The following HIF3A variants were observed in gnomAD, a reference collection of about 807,000 sequenced individuals.
HIF3A encodes the protein hypoxia-inducible factor 3-alpha.
Under a neutral mutation model 67.2 loss-of-function variants are expected in HIF3A, and 41 were observed. The ratio of observed to expected loss-of-function variants is 0.61; its 90% CI spans 0.48 to 0.79. The LOEUF (loss-of-function observed/expected upper bound fraction) is 0.79, where lower values mean the gene tolerates loss of function less well. HIF3A is among the 30% of genes least tolerant of loss of function. The pLI is 0.00. For missense variants in HIF3A, 855 were observed against 898.0 expected, an observed-to-expected ratio of 0.95 and a Z score of 0.61; for synonymous variants, 356 against 374.8, an observed-to-expected ratio of 0.95 and a Z score of 0.58.
At chr19:46,311,329 G>A (rs1269089142) in intron 6 of HIF3A, among the ~76,000 whole-genome samples, 1 of 152,174 alleles carries the variant, frequency 6.6e-6, no homozygotes, top group African/African-American at 2.4e-5. Flanking sequence ...TGTGGCTCAC[G>A]CCTATAAACC....
At chr19:46,321,217 G>A (rs1020126124) in intron 9 of HIF3A, among the ~76,000 whole-genome samples, 3 of 152,144 alleles carry the variant, frequency 2.0e-5, no homozygotes, top group Non-Finnish European at 2.9e-5. Flanking sequence ...GAGCTGAATG[G>A]CCAAATGCTG....
At position 46,312,240 on chromosome 19, in the gene HIF3A, G is replaced by C. The variant is rs769459593; in HGVS notation, c.850G>C (p.Asp284His). ...CGAGTACATCCACGCGCTGGACTCCGATGCGGTCAGCAAGAGCATCCACAC... is the reference window on the plus strand; with the variant it reads ...CGAGTACATCCACGCGCTGGACTCCCATGCGGTCAGCAAGAGCATCCACAC... ...AYEYIHALDS[D>H]AVSKSIHTLL... is the part of the protein sequence containing the mutation. The change falls in exon 7 of 15, where the codon GAT becomes CAT. Residue 284 changes from aspartate (D) to histidine (H), a missense_variant. This residue lies in a region of HIF3A where 638 missense variants were observed against 660.5 expected (regional missense o/e 0.97). Transcript: ENST00000377670. 4 of 1,613,784 alleles carry C rather than the reference G, an allele frequency of 2.5e-6. No individual in the cohort carries two copies. In the East Asian group the frequency reaches 8.9e-5, roughly 36 times the overall value.
chr19:46,336,084 T>TC (rs1971590289), intron 14 of HIF3A, among the ~76,000 whole-genome samples: 2 of 124,088 alleles, frequency 1.6e-5, no homozygotes, highest in African/African-American at 6.1e-5. Context: ...TCTCTCTCTC[T>TC]CTTTTTTTTT....
chr19:46,332,833 C>A (rs1004269873), intron 13 of HIF3A, among the ~76,000 whole-genome samples: 1 of 151,820 alleles, frequency 6.6e-6, no homozygotes, highest in Non-Finnish European at 1.5e-5. Flanking sequence ...AAAATACAAA[C>A]GTTAGCCGGG....
chr19:46,312,831 G>A, intron 8 of HIF3A, 178 bp downstream of exon 8: 1 of 1,322,222 alleles, frequency 7.6e-7, no homozygotes, highest in South Asian at 2.1e-5. Flanking sequence ...GTAAATGCCG[G>A]TGTGTGTGTC....
At chr19:46,303,164 C>T (rs77477242) in intron 1 of HIF3A, among the ~76,000 whole-genome samples, 308 of 152,306 alleles carry the variant, frequency 2.0e-3, no homozygotes, top group African/African-American at 6.8e-3. Context: ...ATATAAGTTT[C>T]GCACTTGGCA....
chr19:46,335,303 C>T (rs893044027), intron 14 of HIF3A, among the ~76,000 whole-genome samples: 6 of 149,856 alleles, frequency 4.0e-5, no homozygotes, highest in African/African-American at 1.5e-4. Flanking sequence ...AAGTCTCACT[C>T]TTGTCGCCCA....
chr19:46,336,478 C>T (rs1214423781), intron 14 of HIF3A, among the ~76,000 whole-genome samples: 1 of 152,002 alleles, frequency 6.6e-6, no homozygotes, highest in Non-Finnish European at 1.5e-5. Flanking sequence ...AGCGATCCTC[C>T]CACCTCAGCC....
chr19:46,326,331 G>C (rs942976107), intron 11 of HIF3A, among the ~76,000 whole-genome samples: 4 of 152,232 alleles, frequency 2.6e-5, no homozygotes, highest in African/African-American at 7.2e-5. Context: ...GAAGTAGAGA[G>C]ATAGAAAGTA....
In HIF3A at chr19:46,339,797, C is replaced by A; in HGVS notation, c.*175C>A. The stretch of plus-strand genomic sequence containing the variant: ...CCTCACCCCTCTGCCTGCTCCCAAT[C>A]TGGGGGCTCTCTGGGGTGGTCTCAG... On this transcript the variant is annotated 3_prime_UTR_variant, in exon 15 of 15. Transcript: ENST00000377670. 1 of 443,606 alleles carries A rather than the reference C, an allele frequency of 2.3e-6. No individual in the cohort carries two copies. The allele number at this position is 443,606 out of a possible 1,614,324, so 27.5% of individuals were successfully genotyped here.
chr19:46,309,668 T>G (rs1256869634), intron 6 of HIF3A, among the ~76,000 whole-genome samples: 1 of 152,036 alleles, frequency 6.6e-6, no homozygotes, highest in Non-Finnish European at 1.5e-5. Flanking sequence ...CCTCCTTTTA[T>G]CTTTCATTCT....
In HIF3A at chr19:46,309,315, C is replaced by T. The variant is rs780739333; in HGVS notation, c.726C>T (p.Leu242=). 3 of 1,612,546 alleles carry T rather than the reference C, an allele frequency of 1.9e-6. No homozygotes were observed. Among genetic ancestry groups the T allele is most frequent in the South Asian group, 1.1e-5 (1 of 90,830 alleles). Residue 242 remains leucine, a synonymous_variant, in exon 6 of 15, where the codon CTC becomes CTT. Transcript: ENST00000377670. ...CCCCACTGGGCCGAGGGGCCTTCCT[C>T]AGCCGCCACAGCCTGGACATGAAGT... ...LEPPLGRGAF[L]SRHSLDMKFT...
chr19:46,309,453 C>T, intron 6 of HIF3A, 94 bp downstream of exon 6: 3 of 718,654 alleles, frequency 4.2e-6, no homozygotes, highest in Non-Finnish European at 6.8e-6. Flanking sequence ...CCTTCTCTCT[C>T]TCTCTCTCAC....
In HIF3A at chr19:46,312,882, ATTTTT is replaced by A. The variant is rs531816670; in HGVS notation, c.1025+254_1025+258del. The stretch of plus-strand genomic sequence containing the variant: ...ATGTGTATGGGTGTGTAGACTGTTA[ATTTTT>A]TTTTTTTTTTTTTTTTTTTTTTTTG... On this transcript the variant is annotated intron_variant, in intron 8 of 14. Coordinates refer to ENST00000377670, the MANE Select transcript of HIF3A (RefSeq NM_152795.4). 620 of 878,562 alleles carry A rather than the reference ATTTTT, an allele frequency of 7.1e-4. 1 individual carries two copies. Among genetic ancestry groups the A allele is most frequent in the East Asian group, 2.0e-3 (15 of 7,430 alleles). 54.4% of individuals were successfully genotyped at this position (878,562 alleles called of 1,614,324 possible). A position where few individuals can be genotyped will look rare whatever the true frequency, so the allele number is the denominator to read the frequency against.
intron 1 of HIF3A, chr19:46,303,565 C>A: frequency 6.7e-7 from 1 of 1,485,630 alleles, no homozygotes; most frequent in Non-Finnish European, 9.1e-7. Flanking sequence ...CCCTCCCTGT[C>A]CCCCAGGCGT....
At position 46,317,492 on chromosome 19, in the gene HIF3A, C is replaced by T. The variant is rs556943120; in HGVS notation, c.1026-2951C>T. Among the ~76,000 whole-genome samples the T allele has an allele frequency of 4.6e-5, 7 of 152,260 alleles. 1 individual carries two copies. Among genetic ancestry groups the T allele is most frequent in the Admixed American group, 4.6e-4 (7 of 15,280 alleles). On this transcript the variant is annotated intron_variant, in intron 8 of 14. Transcript: ENST00000377670. ...AGCTCCTGCCTCCCTCCCCTTCTCA[C>T]TTACCCTCCAAATCTCAGGGCCTTT...
rs117738035 is a variant in HIF3A, at chr19:46,297,144, T to A, written c.26+42T>A. 676 of 449,148 alleles carry A rather than the reference T, an allele frequency of 1.5e-3. 7 individuals carry two copies. In the East Asian group the frequency reaches 0.036, roughly 24 times the overall value. The allele number at this position is 449,148 out of a possible 1,614,324, so 27.8% of individuals were successfully genotyped here. ...GCAGGAGTTCTGGGAATTGGGGGGC[T>A]CTCCTCCTGGAGACCCCTGAGCTGG... On this transcript the variant is annotated intron_variant, in intron 1 of 14. Transcript: ENST00000377670. The surrounding 1 kb of genome is among the most constrained non-coding windows in gnomAD (Gnocchi z 4.5).
chr19:46,321,285 A>C (rs923462626), intron 9 of HIF3A, among the ~76,000 whole-genome samples: 1 of 152,078 alleles, frequency 6.6e-6, no homozygotes, highest in Admixed American at 6.6e-5. Context: ...CAATCTGGCC[A>C]CTGAAGTTCA....
intron 5 of HIF3A, 73 bp from the exon 6 acceptor site, chr19:46,309,078 C>G (rs375184695): frequency 3.1e-6 from 4 of 1,286,286 alleles, no homozygotes; most frequent in Admixed American, 4.2e-5. Flanking sequence ...GCCCTCAGGA[C>G]GCATCTTCCA....
Sources: gnomAD v4.1 joint callset for allele counts (sites outside exome capture counted in the v4.1 genomes callset) on GRCh38, gnomAD v4.1.1 for gene constraint, gnomAD v4.1.1 regional missense constraint, Gnocchi (gnomAD v3.1) non-coding constraint, MANE v1.5 for transcripts, NCBI Gene and HGNC (gene_info 2026-07-23, HGNC 2026-07-21) for gene names.